Variants in CAMK4 observed in about 807,000 individuals in gnomAD.
The protein encoded by CAMK4 is calcium/calmodulin dependent protein kinase IV.
A neutral mutation model predicts 44.9 loss-of-function variants in CAMK4; 22 were observed. The observed-to-expected ratio is 0.49, with a 90% CI of 0.35 to 0.70. CAMK4 has a LOEUF of 0.70. CAMK4 is among the 30% of genes least tolerant of loss of function. The pLI is 0.01. For missense variants in CAMK4, 498 were observed against 586.8 expected (o/e 0.85, Z 1.56); for synonymous variants, 218 against 215.4 (o/e 1.01, Z -0.11).
rs569750472 is a variant in CAMK4, at chr5:111,224,413, G to T, written c.-71G>T. On this transcript the variant is annotated 5_prime_UTR_variant, in exon 1 of 11. Transcript: ENST00000282356. This position sits in a 1 kb window ranked among gnomAD's most constrained non-coding sequence, Gnocchi z 5.7. ...CTCGCTCCTGCGTTCGCAGGCGGCGGCTGGCGGCCGGCTTCTCGCTCGGGC... is the reference window on the plus strand; with the variant it reads ...CTCGCTCCTGCGTTCGCAGGCGGCGTCTGGCGGCCGGCTTCTCGCTCGGGC... The T allele has an allele frequency of 9.8e-4, 1,464 of 1,490,084 alleles. No homozygotes were observed. Among genetic ancestry groups the T allele is most frequent in the Non-Finnish European group, 1.1e-3 (1,257 of 1,124,322 alleles). 92.3% of individuals were successfully genotyped at this position (1,490,084 alleles called of 1,614,324 possible). A position where few individuals can be genotyped will look rare whatever the true frequency, so the allele number is the denominator to read the frequency against.
intron 4 of CAMK4, among the ~76,000 whole-genome samples, chr5:111,394,243 A>T (rs1028782698): frequency 6.6e-6 from 1 of 152,178 alleles, no homozygotes; most frequent in Admixed American, 6.6e-5. Context: ...AGGGTCCTTT[A>T]TCTTTTAGAG....
In CAMK4 at chr5:111,297,302, A is replaced by G. The variant is rs144352365; in HGVS notation, c.162-46722A>G. ...TAGCACAATGCAGTTGACTTTCAGTATGACTTAATAACTCATTTATAAGTT... is the reference window on the plus strand; with the variant it reads ...TAGCACAATGCAGTTGACTTTCAGTGTGACTTAATAACTCATTTATAAGTT... On this transcript the variant is annotated intron_variant, in intron 1 of 10. Coordinates refer to ENST00000282356, the MANE Select transcript of CAMK4 (RefSeq NM_001744.6). Among the ~76,000 whole-genome samples, 633 of 152,330 alleles carry G rather than the reference A, an allele frequency of 4.2e-3. 1 individual carries two copies. Among genetic ancestry groups the G allele is most frequent in the African/African-American group, 0.014 (598 of 41,578 alleles).
chr5:111,382,598 A>C (rs1470322924), intron 4 of CAMK4, among the ~76,000 whole-genome samples: 1 of 152,192 alleles, frequency 6.6e-6, no homozygotes, highest in Non-Finnish European at 1.5e-5. Flanking sequence ...GCAATTTATT[A>C]ACATGATACT....
chr5:111,417,361 C>T (rs1337495600), intron 5 of CAMK4, among the ~76,000 whole-genome samples: 4 of 151,828 alleles, frequency 2.6e-5, no homozygotes, highest in South Asian at 4.2e-4. Flanking sequence ...GGATTACAGG[C>T]GCCACCACCA....
intron 1 of CAMK4, among the ~76,000 whole-genome samples, chr5:111,234,099 A>C (rs1748600107): frequency 6.6e-6 from 1 of 152,240 alleles, no homozygotes; most frequent in Non-Finnish European, 1.5e-5. Context: ...GCATGTGCTC[A>C]AAAAACATTT....
chr5:111,352,583 A>G (rs1042480891), intron 2 of CAMK4, among the ~76,000 whole-genome samples: 1 of 142,258 alleles, frequency 7.0e-6, no homozygotes, highest in Admixed American at 7.2e-5. Context: ...TCCAAAATCA[A>G]GGGGCCAGCA....
intron 2 of CAMK4, among the ~76,000 whole-genome samples, chr5:111,372,975 C>T (rs984487505): frequency 3.3e-5 from 5 of 152,090 alleles, no homozygotes; most frequent in Non-Finnish European, 5.9e-5. Flanking sequence ...TATATTCATC[C>T]TCTCCTCTAA....
chr5:111,253,467 A>T (rs192553010), intron 1 of CAMK4, among the ~76,000 whole-genome samples: 1 of 152,250 alleles, frequency 6.6e-6, no homozygotes, highest in Admixed American at 6.5e-5. Flanking sequence ...CAGTCATGTC[A>T]CCTGGGGAAC....
intron 5 of CAMK4, among the ~76,000 whole-genome samples, chr5:111,415,407 A>G (rs1190895139): frequency 6.6e-6 from 1 of 152,250 alleles, no homozygotes; most frequent in Non-Finnish European, 1.5e-5. Context: ...GTACAAGAGT[A>G]GTGATATTGC....
chr5:111,461,160 T>G lies in CAMK4; in HGVS notation c.625+11957T>G, dbSNP rs1754629295. Among the ~76,000 whole-genome samples the G allele has an allele frequency of 2.0e-5, 3 of 152,218 alleles. No homozygotes were observed. In the South Asian group the frequency reaches 6.2e-4, roughly 32 times the overall value. On this transcript the variant is annotated intron_variant, in intron 7 of 10. Transcript: ENST00000282356. ...TCACTTGTGTTTCAAAACACCTAAC[T>G]TTTTCTTTTCTCACTCCACTCAAGT...
At chr5:111,267,913 T>C (rs1023459779) in intron 1 of CAMK4, among the ~76,000 whole-genome samples, 3 of 152,174 alleles carry the variant, frequency 2.0e-5, no homozygotes, top group African/African-American at 4.8e-5. Context: ...CAGAACTCTG[T>C]ATTATTTATT....
At chr5:111,439,445 T>G (rs116452201) in intron 5 of CAMK4, among the ~76,000 whole-genome samples, 1,586 of 152,048 alleles carry the variant, frequency 0.01, 26 homozygotes, top group African/African-American at 0.036. Context: ...TCAACACAGA[T>G]TGGGTGTGTC....
chr5:111,327,981 G>C (rs1480048858), intron 1 of CAMK4, among the ~76,000 whole-genome samples: 1 of 104,132 alleles, frequency 9.6e-6, no homozygotes. Context: ...TCTGATGGTA[G>C]TTTCTTTTGC....
intron 2 of CAMK4, among the ~76,000 whole-genome samples, chr5:111,349,973 C>A (rs912266705): frequency 6.6e-6 from 1 of 151,862 alleles, no homozygotes; most frequent in East Asian, 1.9e-4. Flanking sequence ...ATCTAATCTC[C>A]GTGTGTAAAA....
At chr5:111,387,430 T>G (rs1041930899) in intron 4 of CAMK4, among the ~76,000 whole-genome samples, 5 of 152,178 alleles carry the variant, frequency 3.3e-5, no homozygotes, top group African/African-American at 7.2e-5. Context: ...TAAAATAAGT[T>G]TCTAAAAAGA....
At chr5:111,341,239 T>G (rs1156382345) in intron 1 of CAMK4, among the ~76,000 whole-genome samples, 1 of 151,330 alleles carries the variant, frequency 6.6e-6, no homozygotes, top group African/African-American at 2.4e-5. Flanking sequence ...TCATTTATTG[T>G]ATTTTTGATT....
chr5:111,413,883 TTAAA>T (rs1752718141), intron 5 of CAMK4, among the ~76,000 whole-genome samples: 1 of 151,906 alleles, frequency 6.6e-6, no homozygotes, highest in Non-Finnish European at 1.5e-5. Flanking sequence ...TAAAATGTTT[TTAAA>T]GTGGAAAAAG....
intron 1 of CAMK4, among the ~76,000 whole-genome samples, chr5:111,324,823 T>G (rs555501377): frequency 6.6e-6 from 1 of 152,144 alleles, no homozygotes; most frequent in Admixed American, 6.6e-5. Context: ...AATTTCAAAC[T>G]TTATAGTATG....
chr5:111,444,656 C>T (rs564134999), intron 5 of CAMK4, among the ~76,000 whole-genome samples: 1 of 152,302 alleles, frequency 6.6e-6, no homozygotes, highest in East Asian at 1.9e-4. Flanking sequence ...TTATCTGTTT[C>T]CCCAAATCAC....
Sources: gnomAD v4.1 joint callset for allele counts (sites outside exome capture counted in the v4.1 genomes callset) on GRCh38, gnomAD v4.1.1 for gene constraint, Gnocchi (gnomAD v3.1) non-coding constraint, MANE v1.5 for transcripts, NCBI Gene and HGNC (gene_info 2026-07-23, HGNC 2026-07-21) for gene names.